The following ZNF480 variants were observed in gnomAD, a reference collection of about 807,000 sequenced individuals.
The protein encoded by ZNF480 is zinc finger protein 480.
A neutral mutation model predicts 14.4 loss-of-function variants in ZNF480; 15 were observed. The ratio of observed to expected loss-of-function variants is 1.04; its 90% CI spans 0.70 to 1.60. ZNF480 has a LOEUF of 1.60. Among genes scored for constraint, ZNF480 ranks in the 40% most tolerant of loss-of-function variants. The pLI, the probability that ZNF480 is intolerant of heterozygous loss-of-function variation, is 0.00. For synonymous variants in ZNF480, 218 were observed against 215.5 expected (o/e 1.01, Z -0.10); for missense variants, 593 against 629.7 (o/e 0.94, Z 0.62).
At chr19:52,301,215 GATTAAAAGCACAATC>G (rs1198361010) in intron 2 of ZNF480, 1 of 152,404 alleles carries the variant, frequency 6.6e-6, no homozygotes, top group East Asian at 1.9e-4. Context: ...AAACAACACA[GATTAAAAGCACAATC>G]ATCATTGAAA....
chr19:52,307,976 C>G (rs949381521), intron 2 of ZNF480, among the ~76,000 whole-genome samples: 1 of 152,192 alleles, frequency 6.6e-6, no homozygotes, highest in Non-Finnish European at 1.5e-5. Flanking sequence ...CTGTTTATGA[C>G]AGGCTTAGGG....
chr19:52,322,383 A>T lies in ZNF480; in HGVS notation c.1133A>T (p.Lys378Met). 6.2e-7 allele frequency: 1 copy of T among 1,614,068 alleles called. No homozygotes were observed. The highest frequency in any genetic ancestry group is 1.3e-5 in the African/African-American group (1 of 75,054). Residue 378 changes from lysine to methionine, a missense_variant, in exon 5 of 5, where the codon AAG becomes ATG. Lys to Met is a moderately conservative substitution (Grantham distance 95). Transcript: ENST00000595962. ...CCTTACAAATGTAATGAATGTGGAA[A>T]GGTCTTTATTCAAAATTCGCACCTA... ...EKPYKCNECG[K>M]VFIQNSHLAQ... is the part of the protein sequence containing the mutation.
Position 52,297,196 on chromosome 19 carries a change from G to T in ZNF480, c.-47G>T, listed in dbSNP as rs1376630720. 1 of 433,540 alleles carries T rather than the reference G, an allele frequency of 2.3e-6. No homozygotes were observed. Among genetic ancestry groups the T allele is most frequent in the Admixed American group, 2.5e-5 (1 of 40,118 alleles). The allele number at this position is 433,540 out of a possible 1,614,324, so 26.9% of individuals were successfully genotyped here. ...TTTCCCACAAACCCGGAAGCGGATC[G>T]CGTGGAGTGAAGGTCACGCCGCGGC... On this transcript the variant is annotated 5_prime_UTR_variant, in exon 1 of 5. Coordinates refer to ENST00000595962, the MANE Select transcript of ZNF480 (RefSeq NM_144684.4).
Position 52,322,951 on chromosome 19 carries a change from A to G in ZNF480, c.*93A>G, listed in dbSNP as rs1280652349. 2.5e-6 allele frequency: 3 copies of G among 1,185,256 alleles called. No homozygotes were observed. Among genetic ancestry groups the G allele is most frequent in the East Asian group, 2.5e-5 (1 of 39,662 alleles). 73.4% of individuals were successfully genotyped at this position (1,185,256 alleles called of 1,614,324 possible). On this transcript the variant is annotated 3_prime_UTR_variant, in exon 5 of 5. Coordinates refer to ENST00000595962, the MANE Select transcript of ZNF480 (RefSeq NM_144684.4). ...TTCCATACTGCAAAGAAATTTTGCA[A>G]ATGTAAAGAATATGACAAGGTCTTC...
chr19:52,310,151 G>T (rs1983199768), intron 2 of ZNF480, among the ~76,000 whole-genome samples: 1 of 151,926 alleles, frequency 6.6e-6, no homozygotes, highest in South Asian at 2.1e-4. Flanking sequence ...TGTCTTCTGG[G>T]TTCAAGCAAT....
chr19:52,313,911 G>A (rs113778838), intron 2 of ZNF480: 71 of 381,316 alleles, frequency 1.9e-4, no homozygotes, highest in Admixed American at 9.4e-4. Flanking sequence ...CCCAGGAGGC[G>A]GAGGTTGCAG....
chr19:52,315,555 A>G (rs570693265), intron 3 of ZNF480, among the ~76,000 whole-genome samples: 8 of 151,748 alleles, frequency 5.3e-5, no homozygotes, highest in Non-Finnish European at 8.8e-5. Flanking sequence ...TCCCGACCTC[A>G]GGTGATCCAC....
intron 3 of ZNF480, 138 bp downstream of exon 3, chr19:52,314,417 T>A: frequency 4.2e-6 from 3 of 715,750 alleles, no homozygotes; most frequent in Non-Finnish European, 5.7e-6. Context: ...AGGCAGAGGT[T>A]TTGGTGAGCC....
chr19:52,311,773 A>G (rs542514614), intron 2 of ZNF480, among the ~76,000 whole-genome samples: 1 of 152,230 alleles, frequency 6.6e-6, no homozygotes, highest in East Asian at 1.9e-4. Context: ...AGCCACCTCC[A>G]TGCAACCTGG....
At chr19:52,304,942 CA>C (rs1225120556) in intron 2 of ZNF480, among the ~76,000 whole-genome samples, 2 of 151,652 alleles carry the variant, frequency 1.3e-5, no homozygotes, top group African/African-American at 2.4e-5. Flanking sequence ...ACTAAAAATA[CA>C]AAAAAATTAG....
chr19:52,325,542 A>G lies in ZNF480; in HGVS notation c.*2684A>G, dbSNP rs1984058800. 1 of 152,228 alleles carries G rather than the reference A, an allele frequency of 6.6e-6. No homozygotes were observed. The highest frequency in any genetic ancestry group is 1.5e-5 in the Non-Finnish European group (1 of 68,044). The allele number at this position is 152,228 out of a possible 1,614,324, so 9.4% of individuals were successfully genotyped here. A position where few individuals can be genotyped will look rare whatever the true frequency, so the allele number is the denominator to read the frequency against. On this transcript the variant is annotated 3_prime_UTR_variant, in exon 5 of 5. Coordinates refer to ENST00000595962, the MANE Select transcript of ZNF480 (RefSeq NM_144684.4). ...TAAATGCCCATCAGCAGTAGACCAG[A>G]TAAAGAAAATTTGGTACATATACAC... is the stretch of plus-strand genomic sequence containing the variant.
intron 1 of ZNF480, among the ~76,000 whole-genome samples, chr19:52,299,456 G>T (rs965513186): frequency 2.0e-5 from 3 of 152,186 alleles, no homozygotes; most frequent in Non-Finnish European, 4.4e-5. Flanking sequence ...CTGGTTGTAA[G>T]TTCCTGGTTG....
intron 1 of ZNF480, among the ~76,000 whole-genome samples, chr19:52,298,691 G>T (rs2122507280): frequency 6.6e-6 from 1 of 151,916 alleles, no homozygotes; most frequent in East Asian, 1.9e-4. Context: ...AGATTGAGCA[G>T]AAAGTTTGGA....
intron 4 of ZNF480, chr19:52,317,456 C>T (rs1037826855): frequency 2.0e-5 from 3 of 152,158 alleles, no homozygotes; most frequent in Non-Finnish European, 4.4e-5. Context: ...CTGCAACCTC[C>T]ACCTCCTGGG....
chr19:52,312,500 C>T (rs1295199056), intron 2 of ZNF480, among the ~76,000 whole-genome samples: 1 of 152,140 alleles, frequency 6.6e-6, no homozygotes, highest in Non-Finnish European at 1.5e-5. Context: ...TATCCCTAAA[C>T]TTGTTTTAAC....
At chr19:52,311,009 A>G (rs1479458403) in intron 2 of ZNF480, among the ~76,000 whole-genome samples, 2 of 150,678 alleles carry the variant, frequency 1.3e-5, no homozygotes, top group African/African-American at 4.9e-5. Flanking sequence ...CGCCTCAAAA[A>G]AAAAAAAAAA....
At chr19:52,304,465 A>G (rs1177037139) in intron 2 of ZNF480, among the ~76,000 whole-genome samples, 1 of 152,110 alleles carries the variant, frequency 6.6e-6, no homozygotes, top group East Asian at 1.9e-4. Context: ...CTAATTGTTC[A>G]GTAACTAAGT....
At position 52,321,560 on chromosome 19, in the gene ZNF480, T is replaced by C. The variant is rs767151639; in HGVS notation, c.329-19T>C. ...CAGAATTATGGGGTCTGAATTTTAC[T>C]TTTTTCTTGCTTTCCTAGGGAGCAG... On this transcript the variant is annotated intron_variant, in intron 4 of 4. Transcript: ENST00000595962. 105 of 1,544,520 alleles carry C rather than the reference T, an allele frequency of 6.8e-5. No individual in the cohort carries two copies. The highest frequency in any genetic ancestry group is 5.2e-4 in the Admixed American group (25 of 47,798).
At chr19:52,314,473 C>CAAAAAAAAAAAAAAAAAAAA (rs34349660) in intron 3 of ZNF480, among the ~76,000 whole-genome samples, 194 bp downstream of exon 3, 1 of 66,208 alleles carries the variant, frequency 1.5e-5, no homozygotes, top group African/African-American at 6.5e-5. Context: ...AACTCCGTCC[C>CAAAAAAAAAAAAAAAAAAAA]AAAAAAAAAA....
Sources: allele counts gnomAD v4.1 joint callset (sites outside exome capture counted in the v4.1 genomes callset), GRCh38; gene constraint gnomAD v4.1.1; transcripts MANE v1.5; gene names NCBI Gene and HGNC (gene_info 2026-07-23, HGNC 2026-07-21).